The following PDE12 variants were observed in gnomAD, a reference collection of about 807,000 sequenced individuals.
The protein encoded by PDE12 is 2',5'-phosphodiesterase 12.
Under a neutral mutation model 45.4 loss-of-function variants are expected in PDE12, and 26 were observed. The observed-to-expected ratio is 0.57, with a 90% confidence interval of 0.42 to 0.79. The LOEUF is 0.79. PDE12 is among the 30% of genes least tolerant of loss of function. The pLI is 0.00. For synonymous variants in PDE12, 283 were observed against 323.9 expected (o/e 0.87, Z 1.36); for missense variants, 668 against 790.0 (o/e 0.85, Z 1.85).
At chr3:57,633,415 C>A in the PDE12 span, 1 of 1,330,980 alleles carries the variant, frequency 7.5e-7, no homozygotes, top group Non-Finnish European at 1.1e-6. Flanking sequence ...CAATGGATAA[C>A]TATCAGATTC....
At position 57,556,948 on chromosome 3, in the gene PDE12, C is replaced by T. The variant is rs952976776; in HGVS notation, c.569C>T (p.Pro190Leu). Residue 190 changes from proline (P) to leucine (L), a missense_variant, in exon 1 of 3, where the codon CCC becomes CTC. Pro to Leu is a moderately conservative substitution (Grantham distance 98, BLOSUM62 -3). Coordinates refer to ENST00000311180, the MANE Select transcript of PDE12 (RefSeq NM_177966.7). The surrounding 1 kb of genome is among the most constrained non-coding windows in gnomAD (Gnocchi z 5.0). ...CPKLSLEFGDPASSLFRWYKE... is the reference protein window; with the variant it reads ...CPKLSLEFGDLASSLFRWYKE... Reference sequence around the variant, plus strand: ...AAACTCAGCCTCGAATTTGGGGATCCCGCCAGCTCCCTTTTCCGCTGGTAT... The same window carrying T: ...AAACTCAGCCTCGAATTTGGGGATCTCGCCAGCTCCCTTTTCCGCTGGTAT... The T allele has an allele frequency of 6.2e-7, 1 of 1,614,202 alleles. No homozygotes were observed. The highest frequency in any genetic ancestry group is 8.5e-7 in the Non-Finnish European group (1 of 1,180,042).
At chr3:57,585,198 G>A in the PDE12 span, among the ~76,000 whole-genome samples, 1 of 152,076 alleles carries the variant, frequency 6.6e-6, no homozygotes, top group Non-Finnish European at 1.5e-5. Context: ...ATTAGAAGTT[G>A]ATTCAGACAA....
the PDE12 span, chr3:57,597,490 C>G: frequency 2.1e-5 from 4 of 194,400 alleles, no homozygotes; most frequent in South Asian, 3.4e-4. Flanking sequence ...CCGGTGCGCC[C>G]GAGCCACTGC....
the PDE12 span, chr3:57,577,181 T>C: frequency 8.3e-6 from 6 of 726,958 alleles, no homozygotes; most frequent in Non-Finnish European, 1.4e-5. Context: ...GTGGATAATA[T>C]AGTTTCTTAA....
the PDE12 span, among the ~76,000 whole-genome samples, chr3:57,580,061 T>C: frequency 2.2e-4 from 33 of 152,238 alleles, no homozygotes; most frequent in Admixed American, 3.9e-4. Context: ...GCCATGATCA[T>C]GCCACTGCAC....
the PDE12 span, among the ~76,000 whole-genome samples, chr3:57,616,377 G>T: frequency 4.7e-5 from 7 of 147,582 alleles, no homozygotes; most frequent in African/African-American, 1.7e-4. Context: ...AGGAGGCAGG[G>T]GGGAGGAGGA....
chr3:57,603,411 C>T, the PDE12 span, among the ~76,000 whole-genome samples: 5 of 151,940 alleles, frequency 3.3e-5, no homozygotes, highest in East Asian at 9.7e-4. Flanking sequence ...GACTTTGGCT[C>T]ACTACAACCT....
rs1208710757 is a variant in PDE12 at position 57,560,066 on chromosome 3, A to G, written c.*62A>G. On this transcript the variant is annotated 3_prime_UTR_variant, in exon 3 of 3. Transcript: ENST00000311180. ...TAGTTATTTTAGCAGAAAATTTAAT[A>G]TGAATCAAAGCTTATATGTAAACTT... 2 of 1,528,590 alleles carry G rather than the reference A, an allele frequency of 1.3e-6. No individual in the cohort carries two copies. The highest frequency in any genetic ancestry group is 8.7e-7 in the Non-Finnish European group (1 of 1,147,408). The allele number at this position is 1,528,590 out of a possible 1,614,324, so 94.7% of individuals were successfully genotyped here.
At chr3:57,636,363 A>G in the PDE12 span, among the ~76,000 whole-genome samples, 34 of 152,248 alleles carry the variant, frequency 2.2e-4, no homozygotes, top group African/African-American at 8.0e-4. Flanking sequence ...AAAAAGCAGT[A>G]TCATGGATAC....
the PDE12 span, among the ~76,000 whole-genome samples, chr3:57,574,379 C>T: frequency 6.6e-6 from 1 of 150,630 alleles, no homozygotes; most frequent in South Asian, 2.1e-4. Context: ...AATCACTGAT[C>T]AATGATAAGC....
At chr3:57,610,531 G>C in the PDE12 span, among the ~76,000 whole-genome samples, 3 of 152,056 alleles carry the variant, frequency 2.0e-5, no homozygotes, top group Non-Finnish European at 4.4e-5. Context: ...GGCAACTTCA[G>C]CAAAGTCTCA....
rs1489366621 is a variant in PDE12, at chr3:57,559,573, C to T, written c.1399C>T (p.Arg467Cys). ...TTTTATATTCATAGGTGGGTATATT[C>T]GCCTCATTCAAATGGCAGTAGCCTT... Reference protein sequence around the residue: ...LYWHPKGGYIRLIQMAVALAH... With the variant: ...LYWHPKGGYICLIQMAVALAH... Residue 467 changes from arginine (R) to cysteine (C), a missense_variant, in exon 3 of 3, where the codon CGC becomes TGC. This residue lies in a region of PDE12 where 580 missense variants were observed against 662.9 expected (regional missense o/e 0.87). Coordinates refer to ENST00000311180, the MANE Select transcript of PDE12 (RefSeq NM_177966.7). 4 of 1,605,194 alleles carry T rather than the reference C, an allele frequency of 2.5e-6. No individual in the cohort carries two copies. The highest frequency in any genetic ancestry group is 2.2e-5 in the East Asian group (1 of 44,722).
At chr3:57,643,939 A>G in the PDE12 span, among the ~76,000 whole-genome samples, 7 of 152,090 alleles carry the variant, frequency 4.6e-5, 1 homozygote, top group Admixed American at 3.9e-4. Flanking sequence ...TCACGAGGTC[A>G]GGAGTTCAAG....
At chr3:57,585,009 G>A in the PDE12 span, among the ~76,000 whole-genome samples, 47 of 151,896 alleles carry the variant, frequency 3.1e-4, no homozygotes, top group Non-Finnish European at 5.7e-4. Context: ...GACTACAGGC[G>A]CCCACCACCA....
the PDE12 span, among the ~76,000 whole-genome samples, chr3:57,603,927 T>A: frequency 7.2e-6 from 1 of 138,366 alleles, no homozygotes; most frequent in African/African-American, 2.7e-5. Flanking sequence ...CAGCCCAGAA[T>A]TTTTTTTTTT....
chr3:57,640,442 A>G, the PDE12 span, among the ~76,000 whole-genome samples: 5 of 151,196 alleles, frequency 3.3e-5, no homozygotes, highest in African/African-American at 1.2e-4. Flanking sequence ...AAAATACAAA[A>G]ATTAGCCGGG....
the PDE12 span, among the ~76,000 whole-genome samples, chr3:57,635,353 T>G: frequency 2.0e-5 from 3 of 152,190 alleles, no homozygotes; most frequent in African/African-American, 7.2e-5. Context: ...CAGGCTGCTA[T>G]GTTGAATAGC....
the PDE12 span, among the ~76,000 whole-genome samples, chr3:57,598,725 G>A: frequency 1.7e-4 from 26 of 152,262 alleles, no homozygotes; most frequent in South Asian, 5.4e-3. Context: ...AGGTTGCAGT[G>A]AGCGGAGATC....
the PDE12 span, chr3:57,572,315 A>C: frequency 6.3e-7 from 1 of 1,581,964 alleles, no homozygotes; most frequent in Non-Finnish European, 8.7e-7. Context: ...AGAGAAGACA[A>C]GAAAATACTT....
Sources: allele counts gnomAD v4.1 joint callset (sites outside exome capture counted in the v4.1 genomes callset), GRCh38; gene constraint gnomAD v4.1.1; regional missense constraint gnomAD v4.1.1; non-coding constraint Gnocchi (gnomAD v3.1); transcripts MANE v1.5; gene names NCBI Gene and HGNC (gene_info 2026-07-23, HGNC 2026-07-21).